Variants in ZER1 observed in about 807,000 individuals in gnomAD.
The protein encoded by ZER1 is zyg-11 related cell cycle regulator.
In ZER1, 11 loss-of-function variants were observed where a neutral mutation model predicts 78.8. The ratio of observed to expected loss-of-function variants is 0.14; its 90% CI spans 0.09 to 0.23. ZER1 has a LOEUF of 0.23. ZER1 is among the 10% of genes least tolerant of loss of function. The pLI is 1.00. For synonymous variants in ZER1, 400 were observed against 407.0 expected (o/e 0.98, Z 0.21); for missense variants, 588 against 996.9 (o/e 0.59, Z 5.52).
chr9:128,759,701 A>G (rs571086547), intron 1 of ZER1, among the ~76,000 whole-genome samples: 15 of 151,360 alleles, frequency 9.9e-5, no homozygotes, highest in African/African-American at 3.6e-4. Flanking sequence ...AGGCTGAGGC[A>G]GGAGAATGGC....
At chr9:128,761,429 G>A (rs1019320910) in intron 1 of ZER1, among the ~76,000 whole-genome samples, 1 of 151,674 alleles carries the variant, frequency 6.6e-6, no homozygotes, top group Non-Finnish European at 1.5e-5. Flanking sequence ...TGGGACTACA[G>A]GCACCTGCCC....
intron 1 of ZER1, among the ~76,000 whole-genome samples, chr9:128,760,800 G>A (rs1301355727): frequency 2.8e-5 from 4 of 143,346 alleles, no homozygotes; most frequent in African/African-American, 7.6e-5. Context: ...GCGACACAGC[G>A]AGACTCCGTT....
Position 128,755,757 on chromosome 9 carries a change from T to A in ZER1, c.-94-98A>T. ...CTGAGTAGGGAAACTGAGACCACAC[T>A]CCAATTAGCAGCTTAGCAGGGCCAG... is the stretch of plus-strand genomic sequence containing the variant. On this transcript the variant is annotated intron_variant, in intron 1 of 15. Transcript: ENST00000291900. This position sits in a 1 kb window ranked among gnomAD's most constrained non-coding sequence, Gnocchi z 5.6. The A allele has an allele frequency of 1.4e-6, 1 of 700,552 alleles. No homozygotes were observed. The highest frequency in any genetic ancestry group is 2.3e-6 in the Non-Finnish European group (1 of 438,428). The allele number at this position is 700,552 out of a possible 1,614,324, so 43.4% of individuals were successfully genotyped here. A position where few individuals can be genotyped will look rare whatever the true frequency, so the allele number is the denominator to read the frequency against.
At chr9:128,731,437 T>TGGGGGGGGGGGGGTTGGGGG in intron 15 of ZER1, 43 bp from the exon 16 acceptor site, 1 of 451,616 alleles carries the variant, frequency 2.2e-6, no homozygotes, top group Admixed American at 2.9e-5. Flanking sequence ...TGGGCTTGGG[T>TGGGGGGGGGGGGGTTGGGGG]GGGGGTGAGC....
intron 9 of ZER1, 121 bp from the exon 10 acceptor site, chr9:128,741,962 A>C: frequency 7.7e-7 from 1 of 1,301,952 alleles, no homozygotes; most frequent in South Asian, 1.2e-5. Context: ...TGACGAGATC[A>C]AGTCTCCCTA....
rs1381725412 is a variant in ZER1 at position 128,739,513 on chromosome 9, AAAAAG to A, written c.2042+413_2042+417del. On this transcript the variant is annotated intron_variant, in intron 13 of 15. Coordinates refer to ENST00000291900, the MANE Select transcript of ZER1 (RefSeq NM_006336.4). ...CAAGACTCTGTCTCAAAAAAAAAAAAAAAAGAAAAGAAAGGAAATCTTGGGCTCAA... is the reference window on the plus strand; with the variant it reads ...CAAGACTCTGTCTCAAAAAAAAAAAAAAAAGAAAGGAAATCTTGGGCTCAA... 2.6e-5 allele frequency among the ~76,000 whole-genome samples: 4 copies of A among 151,730 alleles called. 1 individual carries two copies. The highest frequency in any genetic ancestry group is 2.9e-5 in the Non-Finnish European group (2 of 67,878).
intron 1 of ZER1, among the ~76,000 whole-genome samples, chr9:128,768,858 C>T (rs1038012575): frequency 6.6e-6 from 1 of 152,176 alleles, no homozygotes; most frequent in Non-Finnish European, 1.5e-5. Context: ...ATACACTGCC[C>T]CTCCCCACCT....
At chr9:128,743,210 CT>C (rs1863365667) in intron 8 of ZER1, among the ~76,000 whole-genome samples, 2 of 151,954 alleles carry the variant, frequency 1.3e-5, no homozygotes, top group Non-Finnish European at 2.9e-5. Flanking sequence ...CTTCACCTCC[CT>C]GGTTCAAACA....
chr9:128,772,401 T>C (rs1347891333), upstream of ZER1: 1 of 152,260 alleles, frequency 6.6e-6, no homozygotes, highest in South Asian at 2.1e-4. Flanking sequence ...AAATGGGAAA[T>C]TGGGCGGCGA....
At chr9:128,758,521 C>T (rs910589912) in intron 1 of ZER1, among the ~76,000 whole-genome samples, 2 of 151,868 alleles carry the variant, frequency 1.3e-5, no homozygotes, top group Non-Finnish European at 1.5e-5. Context: ...CAGGCTCAAG[C>T]GATCCTCCCA....
intron 13 of ZER1, among the ~76,000 whole-genome samples, chr9:128,736,154 G>A (rs1375674205): frequency 2.0e-5 from 3 of 151,962 alleles, no homozygotes; most frequent in Non-Finnish European, 4.4e-5. Context: ...GTTTCACCGT[G>A]TTAGCCAGGA....
intron 1 of ZER1, among the ~76,000 whole-genome samples, chr9:128,764,650 C>T (rs755421575): frequency 9.2e-5 from 14 of 152,126 alleles, no homozygotes; most frequent in Admixed American, 2.0e-4. Flanking sequence ...TGAAGGGCCC[C>T]GGGGCTACCA....
intron 15 of ZER1, among the ~76,000 whole-genome samples, chr9:128,731,968 C>G (rs1862841451): frequency 6.6e-6 from 1 of 152,252 alleles, no homozygotes; most frequent in Non-Finnish European, 1.5e-5. Context: ...CCACCCATCA[C>G]TGTTGGTTGT....
intron 1 of ZER1, among the ~76,000 whole-genome samples, chr9:128,767,666 G>A (rs1451839239): frequency 1.3e-5 from 2 of 152,066 alleles, no homozygotes; most frequent in Non-Finnish European, 2.9e-5. Context: ...CCTAAAGTTC[G>A]AGCCCCTTGC....
At position 128,742,842 on chromosome 9, in the gene ZER1, T is replaced by G; in HGVS notation, c.1360-97A>C. 6.1e-6 allele frequency: 8 copies of G among 1,306,624 alleles called. No homozygotes were observed. The South Asian group carries it at 1.1e-4, about 19-fold the overall frequency. The allele number at this position is 1,306,624 out of a possible 1,614,324, so 80.9% of individuals were successfully genotyped here. On this transcript the variant is annotated intron_variant, in intron 8 of 15. Transcript: ENST00000291900. ...AGAGGTATGAGCTCATCCAGAGTTG[T>G]GGCAGTCCAGCCCGGTTTTCTGGAA... is the stretch of plus-strand genomic sequence containing the variant.
chr9:128,734,170 TA>T (rs201959972), intron 14 of ZER1, among the ~76,000 whole-genome samples: 795 of 65,342 alleles, frequency 0.012, 44 homozygotes, highest in African/African-American at 0.032. Flanking sequence ...TATAAAATCT[TA>T]AAAAAAATAT....
intron 1 of ZER1, among the ~76,000 whole-genome samples, chr9:128,765,537 G>A (rs1402963915): frequency 6.6e-6 from 1 of 152,188 alleles, no homozygotes; most frequent in Non-Finnish European, 1.5e-5. Context: ...ACAATGGGAG[G>A]GAAAGAGAAA....
At chr9:128,763,052 C>T (rs757394843) in intron 1 of ZER1, among the ~76,000 whole-genome samples, 6 of 152,198 alleles carry the variant, frequency 3.9e-5, no homozygotes, top group Non-Finnish European at 7.4e-5. Flanking sequence ...AAAAGGCCCT[C>T]GGCACAGGTC....
intron 13 of ZER1, among the ~76,000 whole-genome samples, chr9:128,739,374 G>C (rs1378157131): frequency 2.0e-5 from 3 of 151,714 alleles, no homozygotes; most frequent in Non-Finnish European, 4.4e-5. Context: ...GTGGTGGCGG[G>C]TGCCTGTAAT....
Sources: allele counts gnomAD v4.1 joint callset (sites outside exome capture counted in the v4.1 genomes callset), GRCh38; gene constraint gnomAD v4.1.1; non-coding constraint Gnocchi (gnomAD v3.1); transcripts MANE v1.5; gene names NCBI Gene and HGNC (gene_info 2026-07-23, HGNC 2026-07-21).